Variants in NELL1 observed in about 807,000 individuals in gnomAD.
NELL1 encodes the protein protein kinase C-binding protein NELL1.
A neutral mutation model predicts 107.4 loss-of-function variants in NELL1; 76 were observed. That is an observed-to-expected ratio of 0.71 (90% CI 0.59 to 0.86). NELL1 has a LOEUF of 0.86. Ranked by LOEUF, NELL1 falls within the 40% of genes least tolerant of loss-of-function variation. NELL1 has a pLI of 0.00. For synonymous variants in NELL1, 353 were observed against 341.2 expected, an observed-to-expected ratio of 1.03 and a Z score of -0.38; for missense variants, 1,024 against 1,005.5, an observed-to-expected ratio of 1.02 and a Z score of -0.25.
chr11:20,758,566 A>G (rs974711787), intron 2 of NELL1, among the ~76,000 whole-genome samples: 9 of 152,318 alleles, frequency 5.9e-5, no homozygotes, highest in Middle Eastern at 3.4e-3. Flanking sequence ...TGTTCAAACC[A>G]AAGCCAGGAA....
chr11:20,734,122 C>T (rs986957146), intron 2 of NELL1, among the ~76,000 whole-genome samples: 3 of 152,082 alleles, frequency 2.0e-5, no homozygotes, highest in Admixed American at 1.3e-4. Flanking sequence ...GTAGATGAAA[C>T]AGCAAGTATG....
intron 12 of NELL1, among the ~76,000 whole-genome samples, chr11:21,099,234 A>AAC (rs1554967542): frequency 4.8e-4 from 31 of 64,030 alleles, no homozygotes; most frequent in African/African-American, 8.9e-4. Context: ...CACACACACA[A>AAC]ACACACACAC....
chr11:20,715,121 T>C (rs1243115204), intron 2 of NELL1, among the ~76,000 whole-genome samples: 2 of 151,870 alleles, frequency 1.3e-5, no homozygotes, highest in African/African-American at 4.8e-5. Flanking sequence ...GGCGGGCGCC[T>C]GTAGTCCCAG....
chr11:21,574,224 A>G (rs1378204562), intron 19 of NELL1, among the ~76,000 whole-genome samples: 6 of 149,400 alleles, frequency 4.0e-5, no homozygotes, highest in Non-Finnish European at 6.0e-5. Context: ...AAGCTTCCCA[A>G]CTTGCCTCTT....
At chr11:21,432,889 T>C (rs990982491) in intron 15 of NELL1, among the ~76,000 whole-genome samples, 2 of 152,148 alleles carry the variant, frequency 1.3e-5, no homozygotes, top group Admixed American at 6.5e-5. Flanking sequence ...CTTCTGGCTT[T>C]TTGAAAATAT....
chr11:21,446,220 T>TTA (rs1853424036), intron 15 of NELL1, among the ~76,000 whole-genome samples: 1 of 152,112 alleles, frequency 6.6e-6, no homozygotes, highest in Non-Finnish European at 1.5e-5. Context: ...TTTGTTTACT[T>TTA]TATATGATTC....
At chr11:20,828,852 G>T (rs567538263) in intron 3 of NELL1, among the ~76,000 whole-genome samples, 1 of 152,276 alleles carries the variant, frequency 6.6e-6, no homozygotes, top group African/African-American at 2.4e-5. Flanking sequence ...GATGGCTTCT[G>T]TTAATTTATT....
intron 15 of NELL1, among the ~76,000 whole-genome samples, chr11:21,427,672 A>T (rs1298870451): frequency 6.6e-6 from 1 of 152,156 alleles, no homozygotes; most frequent in Non-Finnish European, 1.5e-5. Flanking sequence ...GGAGTTTGAG[A>T]CACCTTGGGC....
At chr11:21,531,724 T>A (rs1025292288) in intron 15 of NELL1, among the ~76,000 whole-genome samples, 7 of 152,198 alleles carry the variant, frequency 4.6e-5, no homozygotes, top group African/African-American at 1.7e-4. Flanking sequence ...TGAGAGTTGA[T>A]TCTGTAGTGA....
chr11:20,985,573 G>A (rs918802937), intron 12 of NELL1, among the ~76,000 whole-genome samples: 3 of 152,190 alleles, frequency 2.0e-5, no homozygotes, highest in Non-Finnish European at 4.4e-5. Context: ...ACCCACAGAT[G>A]AGGGACTGAG....
chr11:21,542,062 G>A (rs1477066081), intron 16 of NELL1, among the ~76,000 whole-genome samples: 3 of 152,044 alleles, frequency 2.0e-5, no homozygotes, highest in Admixed American at 1.3e-4. Context: ...TTTTAAGCAG[G>A]CAATAGATGT....
At chr11:21,525,821 C>T (rs1244842303) in intron 15 of NELL1, among the ~76,000 whole-genome samples, 1 of 152,148 alleles carries the variant, frequency 6.6e-6, no homozygotes, top group African/African-American at 2.4e-5. Context: ...ACCACAAGAA[C>T]AATATGGTAA....
Position 21,304,356 on chromosome 11 carries a change from T to C in NELL1, c.1550-66497T>C, listed in dbSNP as rs1369371863. 5.3e-5 allele frequency among the ~76,000 whole-genome samples: 8 copies of C among 152,060 alleles called. No homozygotes were observed. The South Asian group carries it at 1.7e-3, about 31-fold the overall frequency. On this transcript the variant is annotated intron_variant, in intron 14 of 19. Coordinates refer to ENST00000357134, the MANE Select transcript of NELL1 (RefSeq NM_006157.5). ...CTAGATAACAAAGTCTTAGGAATTG[T>C]TACTTTCTCAGGAGTCAGAGACAGG...
chr11:21,229,886 A>G (rs1463932144), intron 14 of NELL1, among the ~76,000 whole-genome samples: 1 of 152,178 alleles, frequency 6.6e-6, no homozygotes. Flanking sequence ...ATCAATTCAG[A>G]GGCCAGCGCC....
intron 12 of NELL1, among the ~76,000 whole-genome samples, chr11:21,062,994 ATG>A (rs138410271): frequency 6.6e-6 from 1 of 150,786 alleles, no homozygotes; most frequent in South Asian, 2.1e-4. Flanking sequence ...AGCCCAGCTA[ATG>A]TGTGTGTGTG....
chr11:21,032,902 G>A (rs56207513), intron 12 of NELL1, among the ~76,000 whole-genome samples: 233 of 152,248 alleles, frequency 1.5e-3, no homozygotes, highest in Non-Finnish European at 2.5e-3. Flanking sequence ...TGATATAACT[G>A]TTGCATCTGT....
intron 14 of NELL1, among the ~76,000 whole-genome samples, chr11:21,332,082 C>A (rs1282126116): frequency 1.3e-5 from 2 of 152,002 alleles, no homozygotes; most frequent in South Asian, 4.1e-4. Context: ...TATTGAATTA[C>A]TCAAGTATTC....
intron 5 of NELL1, among the ~76,000 whole-genome samples, chr11:20,898,211 AC>A (rs1021816852): frequency 6.6e-6 from 1 of 152,198 alleles, no homozygotes; most frequent in African/African-American, 2.4e-5. Context: ...AAAACGTGGC[AC>A]ATATACACCG....
At chr11:20,680,137 A>G (rs1854154505) in intron 2 of NELL1, among the ~76,000 whole-genome samples, 1 of 152,098 alleles carries the variant, frequency 6.6e-6, no homozygotes, top group South Asian at 2.1e-4. Context: ...AATTCAGGAT[A>G]ATCTCCCCCA....
Sources: allele counts gnomAD v4.1 joint callset (sites outside exome capture counted in the v4.1 genomes callset), GRCh38; gene constraint gnomAD v4.1.1; transcripts MANE v1.5; gene names NCBI Gene and HGNC (gene_info 2026-07-23, HGNC 2026-07-21).